U2SURP: variants seen among roughly 807,000 people sequenced by gnomAD.
The protein encoded by U2SURP is U2 snRNP-associated SURP motif-containing protein.
In U2SURP, 9 loss-of-function variants were observed where a neutral mutation model predicts 144.9. That is an observed-to-expected ratio of 0.06 (90% confidence interval 0.04 to 0.11). The LOEUF is 0.11. Among genes scored for constraint, U2SURP ranks in the 10% least tolerant of loss-of-function variants. The pLI is 1.00. For synonymous variants in U2SURP, 408 were observed against 396.8 expected (o/e 1.03, Z -0.33); for missense variants, 724 against 1,226.7 (o/e 0.59, Z 6.12).
At position 143,021,550 on chromosome 3, in the gene U2SURP, C is replaced by G. The variant is rs1263460406; in HGVS notation, c.847C>G (p.Pro283Ala). The change falls in exon 10 of 28, where the codon CCA (proline) becomes GCA (alanine). Residue 283 changes from proline (P) to alanine (A), a missense_variant. Physicochemically the swap from Pro to Ala is conservative, Grantham distance 27. Around this residue, in one of 13 missense-constraint regions of U2SURP, gnomAD observed 115 missense variants for 258.1 expected, o/e 0.45. Coordinates refer to ENST00000473835, the MANE Select transcript of U2SURP (RefSeq NM_001080415.2). ...TTNLYLGNINPQMNEEMLCQE... is the reference protein window; with the variant it reads ...TTNLYLGNINAQMNEEMLCQE... ...TAATTTATACCTTGGAAACATTAAT[C>G]CACAGGTAATATTAAGTAAGATGAA... 6.2e-7 allele frequency: 1 copy of G among 1,611,456 alleles called. No homozygotes were observed. The highest frequency in any genetic ancestry group is 1.7e-5 in the Admixed American group (1 of 59,900).
At chr3:143,040,530 A>G (rs1462573334) in intron 23 of U2SURP, among the ~76,000 whole-genome samples, 1 of 151,850 alleles carries the variant, frequency 6.6e-6, no homozygotes, top group Admixed American at 6.6e-5. Context: ...TTTTGTGGCA[A>G]TATTGTGATT....
At chr3:143,017,075 G>A in intron 6 of U2SURP, 100 bp downstream of exon 6, 1 of 1,226,650 alleles carries the variant, frequency 8.2e-7, no homozygotes, top group Non-Finnish European at 1.1e-6. Context: ...CGTTTTTGGT[G>A]GGGGCAGGGT....
intron 6 of U2SURP, among the ~76,000 whole-genome samples, chr3:143,018,453 A>G: frequency 6.6e-6 from 1 of 152,144 alleles, no homozygotes; most frequent in South Asian, 2.1e-4. Flanking sequence ...TACTTAGTAG[A>G]TGGACATTTG....
At chr3:143,054,729 C>T (rs1935056510) in intron 26 of U2SURP, among the ~76,000 whole-genome samples, 1 of 152,148 alleles carries the variant, frequency 6.6e-6, no homozygotes, top group Non-Finnish European at 1.5e-5. Flanking sequence ...AAGAGAAAAT[C>T]CAATTTAGTT....
chr3:143,003,648 C>A (rs572360679), intron 1 of U2SURP, among the ~76,000 whole-genome samples: 1 of 149,888 alleles, frequency 6.7e-6, no homozygotes, highest in East Asian at 1.9e-4. Flanking sequence ...AATGACTGCC[C>A]AGATAGCTGC....
At chr3:143,034,404 A>C (rs1294096836) in intron 18 of U2SURP, 1 of 116,678 alleles carries the variant, frequency 8.6e-6, no homozygotes, top group East Asian at 2.1e-4. Flanking sequence ...CTCCATCTCA[A>C]AAAAAAAAAA....
chr3:143,035,836 AATG>A (rs1933782020), intron 19 of U2SURP, 143 bp from the exon 20 acceptor site: 9 of 706,230 alleles, frequency 1.3e-5, no homozygotes, highest in South Asian at 1.1e-4. Flanking sequence ...AAAATATGGT[AATG>A]ATATATAGTT....
intron 1 of U2SURP, among the ~76,000 whole-genome samples, chr3:143,002,810 G>A (rs930295313): frequency 2.0e-5 from 3 of 152,160 alleles, no homozygotes; most frequent in African/African-American, 7.2e-5. Context: ...AATTAGTAAT[G>A]GTCTTAACAG....
rs1560194822 is a variant in U2SURP, at chr3:143,036,079, A to C, written c.2039A>C (p.Asn680Thr). 6.2e-6 allele frequency: 10 copies of C among 1,606,928 alleles called. No individual in the cohort carries two copies. Among genetic ancestry groups the C allele is most frequent in the African/African-American group, 1.3e-5 (1 of 74,610 alleles). Residue 680 changes from asparagine to threonine, a missense_variant, in exon 20 of 28, where the codon AAT becomes ACT. By Grantham distance (65) the Asn-to-Thr change is moderately conservative (BLOSUM62 0). Around this residue, in one of 13 missense-constraint regions of U2SURP, gnomAD observed 116 missense variants for 167.9 expected, o/e 0.69. Transcript: ENST00000473835. ...CAAAATATTTTCTTAGGACTTGTAA[A>C]TATTATTGAAGAAAAGGAAACAGAG... is the stretch of plus-strand genomic sequence containing the variant. Reference protein sequence around the residue: ...KLQNIFLGLVNIIEEKETEDV... With the variant: ...KLQNIFLGLVTIIEEKETEDV...
At chr3:143,010,517 G>GTA (rs1177715079) in intron 1 of U2SURP, among the ~76,000 whole-genome samples, 9 of 152,156 alleles carry the variant, frequency 5.9e-5, no homozygotes, top group Non-Finnish European at 1.0e-4. Flanking sequence ...ATAAAACTGT[G>GTA]TAAAAATGGT....
chr3:143,022,958 C>T lies in U2SURP; in HGVS notation c.1124C>T (p.Pro375Leu). 1 of 1,612,506 alleles carries T rather than the reference C, an allele frequency of 6.2e-7. No individual in the cohort carries two copies. The highest frequency in any genetic ancestry group is 8.5e-7 in the Non-Finnish European group (1 of 1,179,286). The stretch of plus-strand genomic sequence containing the variant: ...CCTTCTATGATGGAACATACGCTTC[C>T]CCCACCTCCATCCGGACTGCCTTTT... ...IPPSMMEHTL[P>L]PPPSGLPFNA... is the part of the protein sequence containing the mutation. The change falls in exon 12 of 28, where the codon CCC becomes CTC. Residue 375 changes from proline (P) to leucine (L), a missense_variant. Around this residue, in one of 13 missense-constraint regions of U2SURP, gnomAD observed 64 missense variants for 164.1 expected, o/e 0.39. Coordinates refer to ENST00000473835, the MANE Select transcript of U2SURP (RefSeq NM_001080415.2).
Position 143,032,869 on chromosome 3 carries a change from A to C in U2SURP, c.1696A>C (p.Asn566His), listed in dbSNP as rs777627906. Residue 566 changes from asparagine (N) to histidine (H), a missense_variant, in exon 17 of 28, where the codon AAT (asparagine) becomes CAT (histidine). Transcript: ENST00000473835. Reference protein sequence around the residue: ...IGDAMVFCLNNAEAAEEIVDC... With the variant: ...IGDAMVFCLNHAEAAEEIVDC... The stretch of plus-strand genomic sequence containing the variant: ...AGATGCAATGGTTTTCTGTCTTAAT[A>C]ATGCTGAAGCTGCTGAAGAAATAGT... 1.9e-6 allele frequency: 3 copies of C among 1,613,758 alleles called. No homozygotes were observed. The highest frequency in any genetic ancestry group is 2.5e-6 in the Non-Finnish European group (3 of 1,179,760).
intron 24 of U2SURP, among the ~76,000 whole-genome samples, chr3:143,043,747 A>C (rs1934248612): frequency 6.6e-6 from 1 of 150,810 alleles, no homozygotes; most frequent in South Asian, 2.1e-4. Context: ...GTAATACATT[A>C]TGTGTTATGT....
intron 16 of U2SURP, among the ~76,000 whole-genome samples, chr3:143,029,984 C>G (rs374191879): frequency 6.6e-6 from 1 of 152,072 alleles, no homozygotes; most frequent in African/African-American, 2.4e-5. Context: ...TGAGGATGCT[C>G]CAGAAGAAAA....
intron 13 of U2SURP, chr3:143,025,949 A>G (rs975430095): frequency 2.0e-5 from 3 of 152,140 alleles, no homozygotes; most frequent in Non-Finnish European, 2.9e-5. Context: ...GTCTTGTTCT[A>G]TAACTATATA....
rs763310293 is a variant in U2SURP, at chr3:143,022,484, C to T, written c.853-13C>T. 2.0e-6 allele frequency: 3 copies of T among 1,491,330 alleles called. No homozygotes were observed. The highest frequency in any genetic ancestry group is 2.7e-6 in the Non-Finnish European group (3 of 1,116,126). 92.4% of individuals were successfully genotyped at this position (1,491,330 alleles called of 1,614,324 possible). On this transcript the variant is annotated splice_polypyrimidine_tract_variant and intron_variant, in intron 10 of 27. Coordinates refer to ENST00000473835, the MANE Select transcript of U2SURP (RefSeq NM_001080415.2). ...TTTTTTGCATAATAAAAATCTTTTA[C>T]CCTTTTTAATAGATGAATGAAGAAA...
At chr3:143,028,289 AT>A in intron 14 of U2SURP, 50 bp from the exon 15 acceptor site, 3 of 1,517,632 alleles carry the variant, frequency 2.0e-6, no homozygotes, top group Non-Finnish European at 2.7e-6. Context: ...TTAATTGAAG[AT>A]AGCTCTTTGT....
chr3:143,019,207 TG>T (rs1936518722), intron 6 of U2SURP, among the ~76,000 whole-genome samples: 1 of 152,232 alleles, frequency 6.6e-6, no homozygotes, highest in East Asian at 1.9e-4. Context: ...CTATATGATT[TG>T]GAAATGTTTT....
chr3:143,011,911 G>A (rs149593544), intron 2 of U2SURP: 27 of 494,040 alleles, frequency 5.5e-5, no homozygotes, highest in East Asian at 2.2e-4. Context: ...TGACTGACAG[G>A]CAAACTATGG....
Sources: allele counts gnomAD v4.1 joint callset (sites outside exome capture counted in the v4.1 genomes callset), GRCh38; gene constraint gnomAD v4.1.1; regional missense constraint gnomAD v4.1.1; transcripts MANE v1.5; gene names NCBI Gene and HGNC (gene_info 2026-07-23, HGNC 2026-07-21).